FAF2: variants seen among roughly 807,000 people sequenced by gnomAD.
The protein encoded by FAF2 is FAS-associated factor 2.
FAF2 carries 9 observed loss-of-function variants against 62.3 expected under a neutral mutation model. That is an observed-to-expected ratio of 0.14 (90% CI 0.09 to 0.25). The LOEUF is 0.25. FAF2 is among the 10% of genes least tolerant of loss of function. The pLI is 1.00. For missense variants in FAF2, 368 were observed against 556.2 expected (o/e 0.66, Z 3.40); for synonymous variants, 202 against 198.0 (o/e 1.02, Z -0.17).
intron 2 of FAF2, among the ~76,000 whole-genome samples, chr5:176,480,500 A>T (rs1221989593): frequency 1.3e-5 from 2 of 151,930 alleles, no homozygotes; most frequent in African/African-American, 2.4e-5. Flanking sequence ...ACAGCCTTTG[A>T]CTTCTGGGCT....
chr5:176,477,548 A>C (rs1758725303), intron 1 of FAF2, among the ~76,000 whole-genome samples: 1 of 152,230 alleles, frequency 6.6e-6, no homozygotes, highest in African/African-American at 2.4e-5. Flanking sequence ...GTCAGGACCT[A>C]AAATCCAGAC....
chr5:176,467,331 T>G (rs879486229), intron 1 of FAF2, among the ~76,000 whole-genome samples: 12 of 150,994 alleles, frequency 7.9e-5, no homozygotes, highest in Admixed American at 2.0e-4. Context: ...CTTTTTTTGG[T>G]TTTTTTTGGT....
chr5:176,450,575 C>T (rs1368582361), intron 1 of FAF2, among the ~76,000 whole-genome samples: 2 of 145,440 alleles, frequency 1.4e-5, no homozygotes, highest in African/African-American at 5.1e-5. Context: ...TTTTTTGAGA[C>T]GGAGTTTCGC....
At chr5:176,458,408 C>CTTTTTTTTTTTTTTTTTTTTTTTT (rs751775026) in intron 1 of FAF2, among the ~76,000 whole-genome samples, 1 of 86,364 alleles carries the variant, frequency 1.2e-5, no homozygotes, top group Non-Finnish European at 2.1e-5. Flanking sequence ...CTTTTTCTTC[C>CTTTTTTTTTTTTTTTTTTTTTTTT]TTTTTTTTTT....
chr5:176,461,018 CT>C (rs70991553), intron 1 of FAF2, among the ~76,000 whole-genome samples: 120,609 of 146,126 alleles, frequency 0.83, 49,799 homozygotes, highest in African/African-American at 0.9. Context: ...TTTTTCTTCT[CT>C]TTTTTTTTTT....
intron 7 of FAF2, among the ~76,000 whole-genome samples, chr5:176,495,263 G>A (rs569672305): frequency 2.0e-4 from 30 of 152,314 alleles, no homozygotes; most frequent in Admixed American, 1.1e-3. Flanking sequence ...GAGAACCAAA[G>A]ATGTGGCAGA....
At chr5:176,472,902 T>TCTTGTTTCCTCCCTC (rs1758599499) in intron 1 of FAF2, among the ~76,000 whole-genome samples, 1 of 152,232 alleles carries the variant, frequency 6.6e-6, no homozygotes, top group South Asian at 2.1e-4. Flanking sequence ...TTTCCTCCCT[T>TCTTGTTTCCTCCCTC]CTTGTTTCCT....
chr5:176,494,358 C>A lies in FAF2; in HGVS notation c.661+83C>A. ...GAAAGACATGCCATGCCATTTATTA[C>A]AAGTGTGTTTGTTCTGTGGTAGATA... On this transcript the variant is annotated intron_variant, in intron 7 of 10. Transcript: ENST00000261942. This position sits in a 1 kb window ranked among gnomAD's most constrained non-coding sequence, Gnocchi z 4.0. The A allele has an allele frequency of 8.6e-7, 1 of 1,169,298 alleles. No individual in the cohort carries two copies. 72.4% of individuals were successfully genotyped at this position (1,169,298 alleles called of 1,614,324 possible).
chr5:176,490,587 G>A (rs1367019329), intron 4 of FAF2, among the ~76,000 whole-genome samples: 2 of 152,084 alleles, frequency 1.3e-5, no homozygotes, highest in Non-Finnish European at 2.9e-5. Flanking sequence ...AAGTACAAGG[G>A]TCAGATAGTA....
intron 1 of FAF2, among the ~76,000 whole-genome samples, chr5:176,451,880 ATATATATATATATTTTTTT>A (rs1758188481): frequency 4.4e-5 from 1 of 22,644 alleles, no homozygotes; most frequent in Non-Finnish European, 7.7e-5. Flanking sequence ...ACACACATAT[ATATATATATATATTTTTTT>A]TTTTTTTTTT....
At chr5:176,482,989 C>T (rs1758808273) in intron 2 of FAF2, among the ~76,000 whole-genome samples, 3 of 152,230 alleles carry the variant, frequency 2.0e-5, no homozygotes, top group African/African-American at 7.2e-5. Context: ...CTCGGCCTCC[C>T]AAAGTGCTGG....
chr5:176,476,290 C>A (rs552916024), intron 1 of FAF2, among the ~76,000 whole-genome samples: 3 of 152,092 alleles, frequency 2.0e-5, no homozygotes, highest in Admixed American at 2.0e-4. Flanking sequence ...ACAAAAAAAA[C>A]AGTGTATTAA....
chr5:176,452,047 G>A (rs1333666026), intron 1 of FAF2, among the ~76,000 whole-genome samples: 1 of 148,338 alleles, frequency 6.7e-6, no homozygotes, highest in African/African-American at 2.5e-5. Context: ...GACTAGAAGT[G>A]CCTGGCTAAT....
chr5:176,497,428 T>TATAC (rs1179617218), intron 8 of FAF2, among the ~76,000 whole-genome samples: 3 of 152,232 alleles, frequency 2.0e-5, no homozygotes, highest in Admixed American at 6.5e-5. Flanking sequence ...CACACCCCTA[T>TATAC]ATACGTACAC....
At position 176,497,249 on chromosome 5, in the gene FAF2, TA is replaced by T. The variant is rs151016039; in HGVS notation, c.839+596del. The stretch of plus-strand genomic sequence containing the variant: ...GAATATAATATAAAGAACTTCGATG[TA>T]AAAAAAAAAGTGGAATGGTTATAAT... On this transcript the variant is annotated intron_variant, in intron 8 of 10. Coordinates refer to ENST00000261942, the MANE Select transcript of FAF2 (RefSeq NM_014613.3). 6.8e-4 allele frequency among the ~76,000 whole-genome samples: 100 copies of T among 148,080 alleles called. 1 individual carries two copies. Among genetic ancestry groups the T allele is most frequent in the African/African-American group, 2.2e-3 (91 of 40,714 alleles).
chr5:176,456,705 A>G (rs974329412), intron 1 of FAF2, among the ~76,000 whole-genome samples: 1 of 152,232 alleles, frequency 6.6e-6, no homozygotes, highest in Middle Eastern at 3.4e-3. Context: ...CTTATGATAT[A>G]TTTTGATCTG....
intron 1 of FAF2, among the ~76,000 whole-genome samples, chr5:176,476,804 AT>A (rs749952460): frequency 8.7e-4 from 81 of 92,878 alleles, no homozygotes; most frequent in Middle Eastern, 6.8e-3. Context: ...TGCTGAACTA[AT>A]TTTTTTTTTT....
intron 1 of FAF2, among the ~76,000 whole-genome samples, chr5:176,468,523 G>C (rs757821240): frequency 1.3e-5 from 2 of 152,108 alleles, no homozygotes; most frequent in African/African-American, 2.4e-5. Context: ...GGCGCAGCTT[G>C]CAGTGAGCCG....
At position 176,457,844 on chromosome 5, in the gene FAF2, T is replaced by C. The variant is rs142872891; in HGVS notation, c.63+9374T>C. 8.5e-4 allele frequency among the ~76,000 whole-genome samples: 129 copies of C among 152,312 alleles called. 1 individual carries two copies. The East Asian group carries it at 0.021, about 25-fold the overall frequency. On this transcript the variant is annotated intron_variant, in intron 1 of 10. Coordinates refer to ENST00000261942, the MANE Select transcript of FAF2 (RefSeq NM_014613.3). Reference sequence around the variant, plus strand: ...GAGAACAATTTTTCATACTAAATACTGGGGAATATTTTTAAATGTGTGTTT... The same window carrying C: ...GAGAACAATTTTTCATACTAAATACCGGGGAATATTTTTAAATGTGTGTTT...
Sources: gnomAD v4.1 joint callset for allele counts (sites outside exome capture counted in the v4.1 genomes callset) on GRCh38, gnomAD v4.1.1 for gene constraint, Gnocchi (gnomAD v3.1) non-coding constraint, MANE v1.5 for transcripts, NCBI Gene and HGNC (gene_info 2026-07-23, HGNC 2026-07-21) for gene names.